ANKRD44: variants seen among roughly 807,000 people sequenced by gnomAD.
ANKRD44 encodes the protein serine/threonine-protein phosphatase 6 regulatory ankyrin repeat subunit B.
ANKRD44 carries 35 observed loss-of-function variants against 116.0 expected under a neutral mutation model. The ratio of observed to expected loss-of-function variants is 0.30; its 90% confidence interval spans 0.23 to 0.40. The LOEUF is 0.40. Ranked by LOEUF, ANKRD44 falls within the 10% of genes least tolerant of loss-of-function variation. The pLI is 1.00. For synonymous variants in ANKRD44, 435 were observed against 461.8 expected, an observed-to-expected ratio of 0.94 and a Z score of 0.74; for missense variants, 1,014 against 1,242.6, an observed-to-expected ratio of 0.82 and a Z score of 2.77.
In ANKRD44 at chr2:197,125,989, C is replaced by T; in HGVS notation, c.310G>A (p.Asp104Asn). 6.2e-7 allele frequency: 1 copy of T among 1,614,218 alleles called. No individual in the cohort carries two copies. The highest frequency in any genetic ancestry group is 8.5e-7 in the Non-Finnish European group (1 of 1,180,048). The change falls in exon 5 of 28, where the codon GAC (aspartate) becomes AAC (asparagine). Residue 104 changes from aspartate (D) to asparagine (N), a missense_variant. Physicochemically the swap from Asp to Asn is conservative, Grantham distance 23. Transcript: ENST00000282272. ...TGAAGAGGGGTCTGCCAGTTCTTGT[C>T]CCTTGCATTGACATCAGCTGAGTGC... The part of the protein sequence containing the change: ...IKHSADVNAR[D>N]KNWQTPLHVA...
At chr2:197,260,461 T>A (rs1290198596) in intron 1 of ANKRD44, among the ~76,000 whole-genome samples, 5 of 152,212 alleles carry the variant, frequency 3.3e-5, no homozygotes, top group African/African-American at 1.2e-4. Flanking sequence ...ATGTGCCACA[T>A]TTTCTGAATC....
intron 1 of ANKRD44, among the ~76,000 whole-genome samples, chr2:197,232,535 T>C (rs764233706): frequency 7.9e-5 from 12 of 152,154 alleles, no homozygotes; most frequent in Non-Finnish European, 1.5e-4. Context: ...AAAATCAATC[T>C]CTGAAAAGGA....
At chr2:197,031,006 T>C (rs944608207) in intron 16 of ANKRD44, among the ~76,000 whole-genome samples, 3 of 152,108 alleles carry the variant, frequency 2.0e-5, no homozygotes, top group African/African-American at 7.2e-5. Context: ...GTATAGATGT[T>C]TTCCTAATGG....
chr2:197,083,332 C>A (rs2077841325), intron 14 of ANKRD44, 37 bp downstream of exon 14: 1 of 1,596,572 alleles, frequency 6.3e-7, no homozygotes, highest in Non-Finnish European at 8.5e-7. Context: ...CTCCCCAACC[C>A]TGTTCCCAGA....
At chr2:197,220,397 C>T (rs1035149614) in intron 1 of ANKRD44, among the ~76,000 whole-genome samples, 3 of 152,082 alleles carry the variant, frequency 2.0e-5, no homozygotes, top group Admixed American at 6.5e-5. Context: ...CTCCATATAA[C>T]GGAAAGGTTT....
chr2:197,043,822 G>A (rs1312000123), intron 16 of ANKRD44, among the ~76,000 whole-genome samples: 2 of 151,892 alleles, frequency 1.3e-5, no homozygotes, highest in Admixed American at 6.6e-5. Context: ...TTTAGTGTAT[G>A]GATTAGGTAG....
chr2:197,062,562 C>G (rs887643942), intron 16 of ANKRD44, among the ~76,000 whole-genome samples: 8 of 152,202 alleles, frequency 5.3e-5, no homozygotes, highest in African/African-American at 1.9e-4. Flanking sequence ...CGCAAGGGGT[C>G]AGGGAATTCC....
At chr2:197,249,159 A>T (rs147788614) in intron 1 of ANKRD44, among the ~76,000 whole-genome samples, 2,242 of 152,256 alleles carry the variant, frequency 0.015, 17 homozygotes, top group Non-Finnish European at 0.019. Context: ...TGAAGACCCA[A>T]CTACTTGAGA....
chr2:197,075,259 A>G (rs1350843070), intron 16 of ANKRD44, among the ~76,000 whole-genome samples: 3 of 152,244 alleles, frequency 2.0e-5, no homozygotes, highest in African/African-American at 4.8e-5. Flanking sequence ...TGTAAAAAAT[A>G]TAAAATAAAC....
At position 196,999,017 on chromosome 2, in the gene ANKRD44, A is replaced by G. The variant is rs1363731832; in HGVS notation, c.2555T>C (p.Val852Ala). The part of the protein sequence containing the change: ...PLHAAAFADH[V>A]ECLQLLLRHS... ...TCTCAGAAGAAGCTGCAAGCACTCC[A>G]CATGATCAGCAAATGCTGCCGCATG... is the stretch of plus-strand genomic sequence containing the variant. Residue 852 changes from valine to alanine, a missense_variant, in exon 24 of 28, where the codon GTG becomes GCG. Transcript: ENST00000282272. 1 of 1,614,192 alleles carries G rather than the reference A, an allele frequency of 6.2e-7. No individual in the cohort carries two copies. Among genetic ancestry groups the G allele is most frequent in the Non-Finnish European group, 8.5e-7 (1 of 1,180,028 alleles).
At chr2:197,288,657 TACACATATACAC>T (rs1559222716) in intron 1 of ANKRD44, among the ~76,000 whole-genome samples, 5 of 151,982 alleles carry the variant, frequency 3.3e-5, no homozygotes, top group African/African-American at 7.3e-5. Flanking sequence ...TATATATATA[TACACATATACAC>T]ACACATATAC....
intron 1 of ANKRD44, among the ~76,000 whole-genome samples, chr2:197,254,596 C>T (rs1039664385): frequency 2.9e-5 from 2 of 68,020 alleles, no homozygotes. Context: ...CACATACATG[C>T]ATACACACAC....
chr2:197,228,851 C>G (rs1274233598), intron 1 of ANKRD44, among the ~76,000 whole-genome samples: 2 of 152,182 alleles, frequency 1.3e-5, no homozygotes, highest in Non-Finnish European at 2.9e-5. Context: ...GCTTGACCAA[C>G]ATGGTGAAAC....
intron 2 of ANKRD44, among the ~76,000 whole-genome samples, chr2:197,164,560 C>T (rs1166416142): frequency 4.6e-5 from 7 of 152,246 alleles, no homozygotes; most frequent in Non-Finnish European, 7.3e-5. Flanking sequence ...GGCTTCGCGG[C>T]CGCTCGGAGC....
chr2:197,122,731 C>A lies in ANKRD44; in HGVS notation c.612G>T (p.Lys204Asn). The change falls in exon 7 of 28, where the codon AAG (lysine) becomes AAT (asparagine). Residue 204 changes from lysine to asparagine, a missense_variant. Physicochemically the swap from Lys to Asn is moderately conservative, Grantham distance 94 (BLOSUM62 0). Transcript: ENST00000282272. ...CAGCATGCAGAGGGGTATAACCCTTCTTATCCTTACAGGTCACTTCTGCGC... is the reference window on the plus strand; with the variant it reads ...CAGCATGCAGAGGGGTATAACCCTTATTATCCTTACAGGTCACTTCTGCGC... ...NHGAEVTCKDKKGYTPLHAAA... is the reference protein window; with the variant it reads ...NHGAEVTCKDNKGYTPLHAAA... 6.2e-7 allele frequency: 1 copy of A among 1,614,252 alleles called. No homozygotes were observed. The highest frequency in any genetic ancestry group is 8.5e-7 in the Non-Finnish European group (1 of 1,180,044).
At chr2:197,248,591 TAA>T (rs1491514406) in intron 1 of ANKRD44, among the ~76,000 whole-genome samples, 169 of 149,484 alleles carry the variant, frequency 1.1e-3, no homozygotes, top group Non-Finnish European at 2.1e-3. Flanking sequence ...TATATATATA[TAA>T]AGAGAGAGAT....
intron 1 of ANKRD44, among the ~76,000 whole-genome samples, chr2:197,260,994 T>C (rs1451777769): frequency 1.3e-5 from 2 of 151,506 alleles, no homozygotes; most frequent in African/African-American, 4.9e-5. Flanking sequence ...GTCAGATCAG[T>C]AGGTTGCAAA....
intron 10 of ANKRD44, among the ~76,000 whole-genome samples, chr2:197,091,778 TA>T (rs1205861473): frequency 6.6e-6 from 1 of 152,230 alleles, no homozygotes; most frequent in Non-Finnish European, 1.5e-5. Flanking sequence ...GAATAAAAAC[TA>T]ATGTTTGCCT....
chr2:197,103,705 T>C (rs750586595), intron 9 of ANKRD44, among the ~76,000 whole-genome samples: 6 of 152,210 alleles, frequency 3.9e-5, no homozygotes, highest in Non-Finnish European at 7.3e-5. Context: ...TATTTTCTTA[T>C]TGTAGAAAAT....
Sources: gnomAD v4.1 joint callset for allele counts (sites outside exome capture counted in the v4.1 genomes callset) on GRCh38, gnomAD v4.1.1 for gene constraint, MANE v1.5 for transcripts, NCBI Gene and HGNC (gene_info 2026-07-23, HGNC 2026-07-21) for gene names.